The following GPR160 variants were observed in gnomAD, a reference collection of about 807,000 sequenced individuals.
The protein encoded by GPR160 is G protein-coupled receptor 160.
Under a neutral mutation model 2.6 loss-of-function variants are expected in GPR160, and 2 were observed. The observed-to-expected ratio is 0.77, with a 90% CI of 0.32 to 2.44. The LOEUF is 2.44. Ranked by LOEUF, GPR160 falls within the 30% of genes most tolerant of loss-of-function variation. The probability of loss-of-function intolerance (pLI) is 0.11; values close to 1 mark genes in which losing one functional copy is unlikely to be tolerated. For synonymous variants in GPR160, 130 were observed against 132.2 expected (o/e 0.98, Z 0.12); for missense variants, 351 against 383.6 (o/e 0.91, Z 0.71).
chr3:170,084,508 G>A lies in GPR160; in HGVS notation c.536G>A (p.Ser179Asn). 6.2e-7 allele frequency: 1 copy of A among 1,613,250 alleles called. No homozygotes were observed. The change falls in exon 4 of 4, where the codon AGC (serine) becomes AAC (asparagine). Residue 179 changes from serine to asparagine, a missense_variant. Physicochemically the swap from Ser to Asn is conservative, Grantham distance 46 (BLOSUM62 1). Coordinates refer to ENST00000355897, the MANE Select transcript of GPR160 (RefSeq NM_014373.3). ...AYSRHCPFYV[S>N]IQSYWLSFFM... ...TCTCGTCACTGTCCTTTCTATGTCA[G>A]CATTCAGAGTTACTGGCTGTCATTT... is the stretch of plus-strand genomic sequence containing the variant.
chr3:170,062,265 C>T lies in GPR160; in HGVS notation c.-192-17509C>T, dbSNP rs530855621. The T allele has an allele frequency of 2.1e-4, 41 of 196,588 alleles. 2 individuals are homozygous for T. In the East Asian group the frequency reaches 4.1e-3, roughly 19 times the overall value. 12.2% of individuals were successfully genotyped at this position (196,588 alleles called of 1,614,324 possible). On this transcript the variant is annotated intron_variant, in intron 2 of 3. Coordinates refer to ENST00000355897, the MANE Select transcript of GPR160 (RefSeq NM_014373.3). ...TCCAGGCAGGAAGATGTCCAAGTCC[C>T]GTGCGGCGGAGGCAGCAGCGGGGGT...
intron 2 of GPR160, among the ~76,000 whole-genome samples, chr3:170,076,835 C>CACCTGGCCGG (rs377272448): frequency 0.017 from 2,572 of 152,302 alleles, 72 homozygotes; most frequent in East Asian, 0.094. Flanking sequence ...TGAGCCACCA[C>CACCTGGCCGG]ATGTTGGTTT....
rs985171115 is a variant in GPR160, at chr3:170,038,534, C to G, written c.-322+319C>G. On this transcript the variant is annotated intron_variant, in intron 1 of 3. Coordinates refer to ENST00000355897, the MANE Select transcript of GPR160 (RefSeq NM_014373.3). The surrounding 1 kb of genome is among the most constrained non-coding windows in gnomAD (Gnocchi z 5.3). ...GGCGTGTCCCGCACCCAGAGACTCG[C>G]CACCCTCTCTCCAGGGGAGATGCTT... The G allele has an allele frequency of 6.6e-6, 1 of 152,204 alleles. No homozygotes were observed. The highest frequency in any genetic ancestry group is 1.5e-5 in the Non-Finnish European group (1 of 68,084). The allele number at this position is 152,204 out of a possible 1,614,324, so 9.4% of individuals were successfully genotyped here.
chr3:170,066,130 CTTTTTTTTTTTT>C (rs768660597), intron 2 of GPR160, among the ~76,000 whole-genome samples: 5 of 85,166 alleles, frequency 5.9e-5, no homozygotes, highest in African/African-American at 5.2e-5. Flanking sequence ...TTTTCTTTTT[CTTTTTTTTTTTT>C]TTTTTTTTTT....
At chr3:170,081,626 T>C (rs917778823) in intron 3 of GPR160, among the ~76,000 whole-genome samples, 3 of 152,146 alleles carry the variant, frequency 2.0e-5, no homozygotes, top group Non-Finnish European at 4.4e-5. Context: ...AGGTTTGTTA[T>C]AAACTCATAT....
intron 2 of GPR160, among the ~76,000 whole-genome samples, chr3:170,066,079 G>T (rs1712312100): frequency 1.4e-5 from 2 of 141,424 alleles, no homozygotes; most frequent in Middle Eastern, 4.2e-3. Context: ...TCCTTCCAGG[G>T]TTTCTTCATG....
At chr3:170,048,542 T>A (rs1408245316) in intron 2 of GPR160, among the ~76,000 whole-genome samples, 2 of 152,230 alleles carry the variant, frequency 1.3e-5, no homozygotes, top group Non-Finnish European at 2.9e-5. Context: ...TTGTTGCTCA[T>A]TTTTTGATGT....
chr3:170,079,000 A>G (rs1203022159), intron 2 of GPR160, among the ~76,000 whole-genome samples: 2 of 152,010 alleles, frequency 1.3e-5, no homozygotes, highest in Non-Finnish European at 2.9e-5. Flanking sequence ...ATTTATCTTA[A>G]ATAGGCTTGT....
chr3:170,047,537 C>T (rs1559981900), intron 2 of GPR160, among the ~76,000 whole-genome samples: 1 of 152,038 alleles, frequency 6.6e-6, no homozygotes, highest in Non-Finnish European at 1.5e-5. Context: ...AGAATTTTAA[C>T]ATAGTTGCTA....
chr3:170,057,658 A>G (rs1037275052), intron 2 of GPR160, among the ~76,000 whole-genome samples: 6 of 152,222 alleles, frequency 3.9e-5, no homozygotes, highest in African/African-American at 1.4e-4. Flanking sequence ...CTTACCTGGA[A>G]GGAATGGGCT....
intron 2 of GPR160, chr3:170,062,847 G>A (rs983170475): frequency 3.9e-6 from 2 of 508,192 alleles, no homozygotes; most frequent in African/African-American, 3.9e-5. Context: ...AAGGAGTGAA[G>A]ACTGACCTCA....
At position 170,038,627 on chromosome 3, in the gene GPR160, C is replaced by T. The variant is rs1284212718; in HGVS notation, c.-321-288C>T. Among the ~76,000 whole-genome samples the T allele has an allele frequency of 1.3e-5, 2 of 151,952 alleles. No individual in the cohort carries two copies. Among genetic ancestry groups the T allele is most frequent in the Non-Finnish European group, 2.9e-5 (2 of 67,956 alleles). ...TGCAACTCTTCGCTCTTTCCTGGCG[C>T]CCAGAGGTGAATAGTCTCACACACA... On this transcript the variant is annotated intron_variant, in intron 1 of 3. Coordinates refer to ENST00000355897, the MANE Select transcript of GPR160 (RefSeq NM_014373.3). This position sits in a 1 kb window ranked among gnomAD's most constrained non-coding sequence, Gnocchi z 5.3.
Position 170,050,838 on chromosome 3 carries a change from AT to A in GPR160, c.-193+11798del, listed in dbSNP as rs1471329460. 2.6e-5 allele frequency among the ~76,000 whole-genome samples: 4 copies of A among 152,200 alleles called. No individual in the cohort carries two copies. The South Asian group carries it at 8.3e-4, about 32-fold the overall frequency. On this transcript the variant is annotated intron_variant, in intron 2 of 3. Transcript: ENST00000355897. Reference sequence around the variant, plus strand: ...CAGTTTTATAAATGTACTGCATTTTATTTATCCACTCACCAGTTGATGAACA... The same window carrying A: ...CAGTTTTATAAATGTACTGCATTTTATTATCCACTCACCAGTTGATGAACA...
At chr3:170,061,434 G>A (rs1201471217) in intron 2 of GPR160, among the ~76,000 whole-genome samples, 2 of 151,328 alleles carry the variant, frequency 1.3e-5, no homozygotes, top group African/African-American at 4.9e-5. Context: ...CTATGTATTA[G>A]ATACTATACC....
intron 2 of GPR160, among the ~76,000 whole-genome samples, chr3:170,065,455 G>A (rs1249549055): frequency 6.6e-6 from 1 of 152,152 alleles, no homozygotes; most frequent in Non-Finnish European, 1.5e-5. Context: ...CGGAATCCTC[G>A]AATTGTACTC....
chr3:170,043,102 C>T (rs866117667), intron 2 of GPR160, among the ~76,000 whole-genome samples: 4 of 152,016 alleles, frequency 2.6e-5, no homozygotes, highest in Admixed American at 6.6e-5. Flanking sequence ...AGGATGGTCT[C>T]GATCTACTGA....
rs919445180 is a variant in GPR160, at chr3:170,046,320, G to A, written c.-193+7277G>A. ...AGCCAGGGCTTTGGCTTTGTTGTTC[G>A]GGGATTAAAATCTCCACTGACTGTG... On this transcript the variant is annotated intron_variant, in intron 2 of 3. Transcript: ENST00000355897. 9.2e-5 allele frequency among the ~76,000 whole-genome samples: 14 copies of A among 152,142 alleles called. 1 individual carries two copies. The highest frequency in any genetic ancestry group is 2.7e-4 in the African/African-American group (11 of 41,412).
At chr3:170,045,446 A>C (rs1473674630) in intron 2 of GPR160, among the ~76,000 whole-genome samples, 15 of 119,314 alleles carry the variant, frequency 1.3e-4, no homozygotes, top group African/African-American at 5.0e-4. Context: ...AAAAAAAAAA[A>C]ACCAATTAGC....
In GPR160 at chr3:170,084,821, C is replaced by G. The variant is rs749317743; in HGVS notation, c.849C>G (p.Val283=). The G allele has an allele frequency of 6.2e-7, 1 of 1,608,482 alleles. No homozygotes were observed. Among genetic ancestry groups the G allele is most frequent in the East Asian group, 2.2e-5 (1 of 44,778 alleles). Residue 283 remains valine, a synonymous_variant, in exon 4 of 4, where the codon GTC becomes GTG. Coordinates refer to ENST00000355897, the MANE Select transcript of GPR160 (RefSeq NM_014373.3). The part of the protein sequence containing the change: ...IEMNIPWLYF[V]NSFLIATVYW... ...TGAATATTCCCTGGTTATACTTTGT[C>G]AATAGTTTTCTCATTGCTACAGTGT...
Sources: gnomAD v4.1 joint callset for allele counts (sites outside exome capture counted in the v4.1 genomes callset) on GRCh38, gnomAD v4.1.1 for gene constraint, Gnocchi (gnomAD v3.1) non-coding constraint, MANE v1.5 for transcripts, NCBI Gene and HGNC (gene_info 2026-07-23, HGNC 2026-07-21) for gene names.